SETBP1: variants seen among roughly 807,000 people sequenced by gnomAD.
SETBP1 encodes the protein SET binding protein 1, also known as SET-binding protein.
Under a neutral mutation model 101.0 loss-of-function variants are expected in SETBP1, and 9 were observed. That is an observed-to-expected ratio of 0.09 (90% CI 0.05 to 0.16). The LOEUF (loss-of-function observed/expected upper bound fraction) is 0.16. Among genes scored for constraint, SETBP1 ranks in the 10% least tolerant of loss-of-function variants. The pLI, the probability that SETBP1 is intolerant of heterozygous loss-of-function variation, is 1.00. For synonymous variants in SETBP1, 818 were observed against 788.5 expected (o/e 1.04, Z -0.63); for missense variants, 1,858 against 2,033.8 (o/e 0.91, Z 1.66).
chr18:44,965,310 CACAG>C (rs1705084296), intron 4 of SETBP1, among the ~76,000 whole-genome samples: 1 of 151,726 alleles, frequency 6.6e-6, no homozygotes, highest in African/African-American at 2.4e-5. Context: ...CACACACACA[CACAG>C]ATCACTCAGA....
chr18:44,681,491 A>C (rs909253779), intron 1 of SETBP1, among the ~76,000 whole-genome samples: 4 of 152,062 alleles, frequency 2.6e-5, no homozygotes, highest in African/African-American at 9.7e-5. Flanking sequence ...GTTCTAAAAA[A>C]ATAAGTTAAC....
intron 2 of SETBP1, among the ~76,000 whole-genome samples, chr18:44,724,158 AAT>A (rs2069659344): frequency 6.6e-6 from 1 of 152,156 alleles, no homozygotes; most frequent in African/African-American, 2.4e-5. Flanking sequence ...CAGTGGTTCT[AAT>A]GTTGGATGTC....
chr18:44,876,851 A>G (rs1415189843), intron 3 of SETBP1: 8 of 1,424,940 alleles, frequency 5.6e-6, no homozygotes, highest in Non-Finnish European at 6.4e-6. Flanking sequence ...AGTGAGTGAC[A>G]GCATTTGGGC....
chr18:44,724,318 C>T (rs1161235441), intron 2 of SETBP1, among the ~76,000 whole-genome samples: 4 of 151,952 alleles, frequency 2.6e-5, no homozygotes, highest in Non-Finnish European at 5.9e-5. Flanking sequence ...ACTGCTCTAG[C>T]GGACATGATT....
intron 4 of SETBP1, among the ~76,000 whole-genome samples, chr18:45,019,720 A>T (rs1015952769): frequency 2.0e-5 from 3 of 152,104 alleles, no homozygotes; most frequent in African/African-American, 4.8e-5. Context: ...TTAATCCCAC[A>T]TTAGGCCATT....
At chr18:45,024,751 G>A (rs2073132328) in intron 4 of SETBP1, among the ~76,000 whole-genome samples, 1 of 152,212 alleles carries the variant, frequency 6.6e-6, no homozygotes, top group Admixed American at 6.5e-5. Flanking sequence ...AGGCAACAGT[G>A]AAATTACCTT....
chr18:44,931,764 C>G (rs1277850240), intron 3 of SETBP1, among the ~76,000 whole-genome samples: 1 of 152,060 alleles, frequency 6.6e-6, no homozygotes, highest in Non-Finnish European at 1.5e-5. Flanking sequence ...ATTGCAACCC[C>G]TGCTTTTTTT....
At chr18:45,046,620 T>C (rs1372527976) in intron 5 of SETBP1, among the ~76,000 whole-genome samples, 1 of 152,138 alleles carries the variant, frequency 6.6e-6, no homozygotes, top group Non-Finnish European at 1.5e-5. Context: ...AATTTCAGGA[T>C]AAGCCATTCA....
intron 4 of SETBP1, among the ~76,000 whole-genome samples, chr18:44,961,297 G>T (rs1455712850): frequency 6.6e-6 from 1 of 152,200 alleles, no homozygotes; most frequent in Non-Finnish European, 1.5e-5. Context: ...TATGGAGGAT[G>T]AAAACAAATG....
chr18:44,996,573 T>C (rs1284470105), intron 4 of SETBP1, among the ~76,000 whole-genome samples: 1 of 152,250 alleles, frequency 6.6e-6, no homozygotes, highest in African/African-American at 2.4e-5. Context: ...ACTCTCAGAA[T>C]CCTCCCCATT....
intron 2 of SETBP1, among the ~76,000 whole-genome samples, chr18:44,716,237 G>A (rs1182726655): frequency 6.6e-6 from 1 of 152,196 alleles, no homozygotes; most frequent in Non-Finnish European, 1.5e-5. Context: ...TTCTGCAGGA[G>A]AGTCAGTGGT....
intron 4 of SETBP1, 92 bp from the exon 5 acceptor site, chr18:45,038,393 T>C (rs1394719231): frequency 8.5e-7 from 1 of 1,171,424 alleles, no homozygotes; most frequent in Non-Finnish European, 1.3e-6. Flanking sequence ...TCAAATCATT[T>C]GACCATTTCC....
At chr18:44,964,473 C>T (rs1412284407) in intron 4 of SETBP1, among the ~76,000 whole-genome samples, 1 of 152,080 alleles carries the variant, frequency 6.6e-6, no homozygotes, top group East Asian at 1.9e-4. Flanking sequence ...AAATAATTCA[C>T]CTTTTTAGTG....
chr18:44,835,665 T>C (rs764689672), intron 2 of SETBP1, among the ~76,000 whole-genome samples: 6 of 152,232 alleles, frequency 3.9e-5, no homozygotes, highest in Admixed American at 6.5e-5. Context: ...GGCTGCTCAA[T>C]GTTTCTTTCC....
chr18:44,680,157 G>A (rs1032979604), upstream of SETBP1: 1 of 142,600 alleles, frequency 7.0e-6, no homozygotes, highest in Non-Finnish European at 1.5e-5. Context: ...CGGCGGAGGC[G>A]GCAGAGTCGG....
intron 2 of SETBP1, among the ~76,000 whole-genome samples, chr18:44,741,866 C>T (rs916129458): frequency 2.0e-5 from 3 of 152,186 alleles, no homozygotes; most frequent in African/African-American, 7.2e-5. Context: ...AGTGCTCAGC[C>T]GAGAGAGCTT....
intron 2 of SETBP1, among the ~76,000 whole-genome samples, chr18:44,728,937 T>C (rs1370222267): frequency 2.6e-5 from 4 of 152,248 alleles, no homozygotes; most frequent in Non-Finnish European, 5.9e-5. Flanking sequence ...AAGAACTAAC[T>C]AGTGCTTATT....
intron 2 of SETBP1, among the ~76,000 whole-genome samples, chr18:44,831,922 C>A (rs1057243605): frequency 1.3e-5 from 2 of 152,122 alleles, no homozygotes; most frequent in South Asian, 2.1e-4. Context: ...TTGTGTTTAT[C>A]CTGCTGTGTT....
intron 5 of SETBP1, among the ~76,000 whole-genome samples, chr18:45,044,189 T>A (rs144095213): frequency 2.0e-5 from 3 of 152,278 alleles, no homozygotes; most frequent in African/African-American, 7.2e-5. Context: ...ACCATAAATA[T>A]ATACATTGAA....
Sources: allele counts gnomAD v4.1 joint callset (sites outside exome capture counted in the v4.1 genomes callset), GRCh38; gene constraint gnomAD v4.1.1; transcripts MANE v1.5; gene names NCBI Gene and HGNC (gene_info 2026-07-23, HGNC 2026-07-21).